The following GALR2 variants were observed in gnomAD, a reference collection of about 807,000 sequenced individuals.
GALR2 encodes the protein galanin receptor type 2.
GALR2 carries 5 observed loss-of-function variants against 7.2 expected under a neutral mutation model. The observed-to-expected ratio is 0.69, with a 90% CI of 0.36 to 1.45. The LOEUF is 1.45. GALR2 is among the 40% of genes most tolerant of loss of function. The pLI, the probability that GALR2 is intolerant of heterozygous loss-of-function variation, is 0.03. For synonymous variants in GALR2, 300 were observed against 263.9 expected (o/e 1.14, Z -1.32); for missense variants, 561 against 555.7 (o/e 1.01, Z -0.10).
upstream of GALR2, chr17:76,072,227 G>A (rs1438063106): frequency 6.3e-7 from 1 of 1,595,234 alleles, no homozygotes; most frequent in Non-Finnish European, 8.5e-7. This position sits in a 1 kb window ranked among gnomAD's most constrained non-coding sequence, Gnocchi z 4.5. Context: ...AGGACTTGTC[G>A]GGACCCGCCG....
At chr17:76,074,600 G>C (rs1038518095), upstream of GALR2, among the ~76,000 whole-genome samples, 14 of 152,346 alleles carry the variant, frequency 9.2e-5, no homozygotes, top group African/African-American at 3.4e-4. The surrounding 1 kb of genome is among the most constrained non-coding windows in gnomAD (Gnocchi z 6.7). Context: ...GCAGGTACAA[G>C]CGCCACTCTC....
At position 76,076,566 on chromosome 17, in the gene GALR2, G is replaced by A. The variant is rs971013542; in HGVS notation, c.369-70G>A. 2 of 1,004,286 alleles carry A rather than the reference G, an allele frequency of 2.0e-6. No individual in the cohort carries two copies. Among genetic ancestry groups the A allele is most frequent in the Non-Finnish European group, 2.9e-6 (2 of 678,734 alleles). The allele number at this position is 1,004,286 out of a possible 1,614,324, so 62.2% of individuals were successfully genotyped here. A position where few individuals can be genotyped will look rare whatever the true frequency, so the allele number is the denominator to read the frequency against. Reference sequence around the variant, plus strand: ...TCGAGAGCAGCCTTGGGACCGAGGTGCAGGGGTCGCGGCCCTCCAGCATGA... The same window carrying A: ...TCGAGAGCAGCCTTGGGACCGAGGTACAGGGGTCGCGGCCCTCCAGCATGA... On this transcript the variant is annotated intron_variant, in intron 1 of 1. Transcript: ENST00000329003. The surrounding 1 kb of genome is among the most constrained non-coding windows in gnomAD (Gnocchi z 6.5).
chr17:76,072,147 G>GT, upstream of GALR2: 208 of 1,285,476 alleles, frequency 1.6e-4, 1 homozygote, highest in Middle Eastern at 2.5e-4. The surrounding 1 kb of genome is among the most constrained non-coding windows in gnomAD (Gnocchi z 4.5). Context: ...TCGAGAGACA[G>GT]ACCCCCCCCG....
At position 76,075,230 on chromosome 17, in the gene GALR2, T is replaced by TG. The variant is rs1488232865; in HGVS notation, c.349dup (p.Ala117GlyfsTer269). The TG allele has an allele frequency of 6.2e-7, 1 of 1,604,804 alleles. No homozygotes were observed. The highest frequency in any genetic ancestry group is 8.5e-7 in the Non-Finnish European group (1 of 1,179,544). ...ACCATGCACGCCAGCAGCTTCACGC[T>TG]GGCCGCCGTCTCCCTGGACAGGTGA... On this transcript the variant is annotated frameshift_variant, in exon 1 of 2. Coordinates refer to ENST00000329003, the MANE Select transcript of GALR2 (RefSeq NM_003857.4). LOFTEE classifies it low-confidence loss of function (END_TRUNC). The surrounding 1 kb of genome is among the most constrained non-coding windows in gnomAD (Gnocchi z 5.9).
chr17:76,072,087 G>T, upstream of GALR2: 1 of 851,676 alleles, frequency 1.2e-6, no homozygotes, highest in Non-Finnish European at 1.8e-6. This position sits in a 1 kb window ranked among gnomAD's most constrained non-coding sequence, Gnocchi z 4.5. Context: ...AGTGCCACTG[G>T]AAGAAACGGA....
chr17:76,074,916 C>A lies in GALR2; in HGVS notation c.33C>A (p.Asn11Lys). 1 of 1,543,866 alleles carries A rather than the reference C, an allele frequency of 6.5e-7. No individual in the cohort carries two copies. The highest frequency in any genetic ancestry group is 8.7e-7 in the Non-Finnish European group (1 of 1,151,782). ...TCTCGGGCTGCCCAGGGGCCGGGAA[C>A]GCGAGCCAGGCGGGCGGCGGGGGAG... Reference protein sequence around the residue: MNVSGCPGAGNASQAGGGGGW... With the variant: MNVSGCPGAGKASQAGGGGGW... The change falls in exon 1 of 2, where the codon AAC becomes AAA. Residue 11 changes from asparagine (N) to lysine (K), a missense_variant. Asn to Lys is a moderately conservative substitution (Grantham distance 94). Transcript: ENST00000329003. The surrounding 1 kb of genome is among the most constrained non-coding windows in gnomAD (Gnocchi z 6.7).
rs1598275699 is a variant in GALR2, at chr17:76,076,454, C to T, written c.369-182C>T. ...CAGGCTCCGCTGAGTGTCTGGGACACGCTGGGAGGCCCCCACCTCCGCCCT... is the reference window on the plus strand; with the variant it reads ...CAGGCTCCGCTGAGTGTCTGGGACATGCTGGGAGGCCCCCACCTCCGCCCT... On this transcript the variant is annotated intron_variant, in intron 1 of 1. Coordinates refer to ENST00000329003, the MANE Select transcript of GALR2 (RefSeq NM_003857.4). This position sits in a 1 kb window ranked among gnomAD's most constrained non-coding sequence, Gnocchi z 6.5. 6.6e-6 allele frequency among the ~76,000 whole-genome samples: 1 copy of T among 152,130 alleles called. No homozygotes were observed. Among genetic ancestry groups the T allele is most frequent in the Non-Finnish European group, 1.5e-5 (1 of 68,000 alleles).
upstream of GALR2, among the ~76,000 whole-genome samples, chr17:76,074,497 G>A (rs183808249): frequency 6.6e-6 from 1 of 152,272 alleles, no homozygotes; most frequent in African/African-American, 2.4e-5. The surrounding 1 kb of genome is among the most constrained non-coding windows in gnomAD (Gnocchi z 6.7). Flanking sequence ...CGCAGGGTCC[G>A]GGGTCGACCC....
At chr17:76,072,444 A>G (rs997278732), upstream of GALR2, 110 of 1,579,904 alleles carry the variant, frequency 7.0e-5, no homozygotes, top group African/African-American at 1.3e-3. This position sits in a 1 kb window ranked among gnomAD's most constrained non-coding sequence, Gnocchi z 4.5. Flanking sequence ...CGCCGCCGCC[A>G]CTGCCGCCGC....
rs868811539 is a variant in GALR2, at chr17:76,077,249, G to A, written c.982G>A (p.Gly328Ser). Reference protein sequence around the residue: ...ASGRVCAAARGTHSGSVLERE... With the variant: ...ASGRVCAAARSTHSGSVLERE... Reference sequence around the variant, plus strand: ...GGGCCGTGTGTGCGCTGCCGCGCGGGGCACCCACAGTGGCAGCGTGTTGGA... The same window carrying A: ...GGGCCGTGTGTGCGCTGCCGCGCGGAGCACCCACAGTGGCAGCGTGTTGGA... Residue 328 changes from glycine to serine, a missense_variant, in exon 2 of 2, where the codon GGC becomes AGC. Transcript: ENST00000329003. 1.2e-6 allele frequency: 2 copies of A among 1,604,782 alleles called. No individual in the cohort carries two copies. Among genetic ancestry groups the A allele is most frequent in the African/African-American group, 1.3e-5 (1 of 74,904 alleles).
At chr17:76,074,635 G>C (rs1881964292), upstream of GALR2, among the ~76,000 whole-genome samples, 1 of 152,222 alleles carries the variant, frequency 6.6e-6, no homozygotes, top group Admixed American at 6.5e-5. The surrounding 1 kb of genome is among the most constrained non-coding windows in gnomAD (Gnocchi z 6.7). Flanking sequence ...AATGCGCGCC[G>C]GGACCACTCC....
Position 76,077,367 on chromosome 17 carries a change from G to T in GALR2, c.1100G>T (p.Cys367Phe), listed in dbSNP as rs2066896955. Reference protein sequence around the residue: ...GASQPCILEPCPGPSWQGPKA... With the variant: ...GASQPCILEPFPGPSWQGPKA... ...TCCCAGCCATGCATCCTCGAGCCCT[G>T]TCCTGGCCCGTCCTGGCAGGGCCCA... is the stretch of plus-strand genomic sequence containing the variant. The change falls in exon 2 of 2, where the codon TGT becomes TTT. Residue 367 changes from cysteine (C) to phenylalanine (F), a missense_variant. By Grantham distance (205) the Cys-to-Phe change is radical (BLOSUM62 -2). Transcript: ENST00000329003. The T allele has an allele frequency of 1.4e-6, 2 of 1,454,992 alleles. No homozygotes were observed. Among genetic ancestry groups the T allele is most frequent in the Non-Finnish European group, 1.8e-6 (2 of 1,107,736 alleles). 90.1% of individuals were successfully genotyped at this position (1,454,992 alleles called of 1,614,324 possible).
chr17:76,075,920 G>T lies in GALR2; in HGVS notation c.368+669G>T, dbSNP rs1431761882. Among the ~76,000 whole-genome samples, 9 of 152,328 alleles carry T rather than the reference G, an allele frequency of 5.9e-5. No individual in the cohort carries two copies. The Middle Eastern group carries it at 0.01, about 173-fold the overall frequency. On this transcript the variant is annotated intron_variant, in intron 1 of 1. Transcript: ENST00000329003. The surrounding 1 kb of genome is among the most constrained non-coding windows in gnomAD (Gnocchi z 5.9). ...GGCCGGGAGAGGAGCGTGCCCTGGG[G>T]TTCTTCCTCCCCAGCCAGAGGAGAG...
chr17:76,074,432 G>C (rs1441475291), upstream of GALR2, among the ~76,000 whole-genome samples: 3 of 152,238 alleles, frequency 2.0e-5, no homozygotes, highest in African/African-American at 7.2e-5. The surrounding 1 kb of genome is among the most constrained non-coding windows in gnomAD (Gnocchi z 6.7). Flanking sequence ...AGGCTGCAGG[G>C]AAGCGCCGAG....
upstream of GALR2, chr17:76,072,758 C>T: frequency 6.7e-6 from 4 of 595,076 alleles, no homozygotes; most frequent in Non-Finnish European, 1.1e-5. The surrounding 1 kb of genome is among the most constrained non-coding windows in gnomAD (Gnocchi z 4.5). Context: ...CCACCTCCCA[C>T]CCACTAAGGG....
In GALR2 at chr17:76,076,629, A is replaced by C; in HGVS notation, c.369-7A>C. On this transcript the variant is annotated splice_region_variant and splice_polypyrimidine_tract_variant and intron_variant, in intron 1 of 1. Transcript: ENST00000329003. This position sits in a 1 kb window ranked among gnomAD's most constrained non-coding sequence, Gnocchi z 6.5. ...AGCCGACGTCTCCCTTCCCGGTCTG[A>C]CCGCAGGTATCTGGCCATCCGCTAC... 1 of 1,564,566 alleles carries C rather than the reference A, an allele frequency of 6.4e-7. No homozygotes were observed. The highest frequency in any genetic ancestry group is 8.6e-7 in the Non-Finnish European group (1 of 1,158,412).
At position 76,076,635 on chromosome 17, in the gene GALR2, G is replaced by C; in HGVS notation, c.369-1G>C. 1 of 1,573,064 alleles carries C rather than the reference G, an allele frequency of 6.4e-7. No individual in the cohort carries two copies. The highest frequency in any genetic ancestry group is 8.6e-7 in the Non-Finnish European group (1 of 1,163,434). ...CGTCTCCCTTCCCGGTCTGACCGCA[G>C]GTATCTGGCCATCCGCTACCCGCTG... On this transcript the variant is annotated splice_acceptor_variant, in intron 1 of 1. Transcript: ENST00000329003. LOFTEE classifies it high-confidence loss of function. The surrounding 1 kb of genome is among the most constrained non-coding windows in gnomAD (Gnocchi z 6.5).
Position 76,075,197 on chromosome 17 carries a change from T to A in GALR2, c.314T>A (p.Ile105Asn). ...CTGTGCAAGGCGGTGCACTTCCTCATCTTCCTCACCATGCACGCCAGCAGC... is the reference window on the plus strand; with the variant it reads ...CTGTGCAAGGCGGTGCACTTCCTCAACTTCCTCACCATGCACGCCAGCAGC... Reference protein sequence around the residue: ...SLLCKAVHFLIFLTMHASSFT... With the variant: ...SLLCKAVHFLNFLTMHASSFT... The change falls in exon 1 of 2, where the codon ATC becomes AAC. Residue 105 changes from isoleucine to asparagine, a missense_variant. Coordinates refer to ENST00000329003, the MANE Select transcript of GALR2 (RefSeq NM_003857.4). This position sits in a 1 kb window ranked among gnomAD's most constrained non-coding sequence, Gnocchi z 5.9. 1.9e-6 allele frequency: 3 copies of A among 1,610,258 alleles called. No homozygotes were observed. In the South Asian group the frequency reaches 3.3e-5, roughly 18 times the overall value.
At chr17:76,072,146 A>AG, upstream of GALR2, 18 of 1,280,048 alleles carry the variant, frequency 1.4e-5, no homozygotes, top group Non-Finnish European at 1.8e-5. This position sits in a 1 kb window ranked among gnomAD's most constrained non-coding sequence, Gnocchi z 4.5. Flanking sequence ...GTCGAGAGAC[A>AG]GACCCCCCCC....
Sources: gnomAD v4.1 joint callset for allele counts (sites outside exome capture counted in the v4.1 genomes callset) on GRCh38, gnomAD v4.1.1 for gene constraint, Gnocchi (gnomAD v3.1) non-coding constraint, MANE v1.5 for transcripts, NCBI Gene and HGNC (gene_info 2026-07-23, HGNC 2026-07-21) for gene names.